Variants in HOXA6 observed in about 807,000 individuals in gnomAD.
HOXA6 encodes homeobox A6, also known as homeobox protein Hox-A6.
Under a neutral mutation model 23.2 loss-of-function variants are expected in HOXA6, and 19 were observed. The observed-to-expected ratio is 0.82, with a 90% CI of 0.57 to 1.20. HOXA6 has a LOEUF of 1.20. HOXA6 is among the 50% of genes most tolerant of loss of function. The pLI is 0.00. For synonymous variants in HOXA6, 140 were observed against 132.6 expected (o/e 1.06, Z -0.38); for missense variants, 346 against 313.6 (o/e 1.10, Z -0.78).
rs1186804130 is a variant in HOXA6, at chr7:27,145,669, C to T, written c.691G>A (p.Ala231Thr). 8 of 1,613,644 alleles carry T rather than the reference C, an allele frequency of 5.0e-6. No homozygotes were observed. The highest frequency in any genetic ancestry group is 1.7e-5 in the Admixed American group (1 of 60,034). Residue 231 changes from alanine (A) to threonine (T), a missense_variant, in exon 2 of 2, where the codon GCG becomes ACG. Coordinates refer to ENST00000222728, the MANE Select transcript of HOXA6 (RefSeq NM_024014.4). ...QPSGEDSEAK[A>T]GE ...CCCTGCCCAGGCATCTACTCGCCCGCCTTTGCCTCTGAGTCCTCCCCGCTG... is the reference window on the plus strand; with the variant it reads ...CCCTGCCCAGGCATCTACTCGCCCGTCTTTGCCTCTGAGTCCTCCCCGCTG...
intron 1 of HOXA6, 149 bp from the exon 2 acceptor site, chr7:27,146,066 T>C: frequency 1.1e-6 from 1 of 897,192 alleles, no homozygotes; most frequent in Non-Finnish European, 1.7e-6. Context: ...CAAAGCATAC[T>C]GAATGGGAGA....
Position 27,145,899 on chromosome 7 carries a change from T to C in HOXA6, c.461A>G (p.His154Arg). 1 of 1,613,268 alleles carries C rather than the reference T, an allele frequency of 6.2e-7. No homozygotes were observed. The highest frequency in any genetic ancestry group is 1.3e-5 in the African/African-American group (1 of 74,978). ...GTAGGTCTGGCGGCCTCGGCGCCCA[T>C]GGCTCCCATACACAGCACCTACGAG... ...NSCAGAVYGS[H>R]GRRGRQTYTR... Residue 154 changes from histidine (H) to arginine (R), a missense_variant, in exon 2 of 2, where the codon CAT becomes CGT. Physicochemically the swap from His to Arg is conservative, Grantham distance 29. Transcript: ENST00000222728.
At position 27,147,769 on chromosome 7, in the gene HOXA6, A is replaced by G; in HGVS notation, c.-20T>C. Reference sequence around the variant, plus strand: ...ACTCATTTGCGCGCCCCTCTGCAGGACTGTGATTTGTTGTGTATTAGTACA... The same window carrying G: ...ACTCATTTGCGCGCCCCTCTGCAGGGCTGTGATTTGTTGTGTATTAGTACA... On this transcript the variant is annotated 5_prime_UTR_variant, in exon 1 of 2. Coordinates refer to ENST00000222728, the MANE Select transcript of HOXA6 (RefSeq NM_024014.4). 1 of 1,592,662 alleles carries G rather than the reference A, an allele frequency of 6.3e-7. No homozygotes were observed. The highest frequency in any genetic ancestry group is 1.1e-5 in the South Asian group (1 of 90,060).
chr7:27,145,987 C>T, intron 1 of HOXA6, 70 bp from the exon 2 acceptor site: 1 of 1,534,326 alleles, frequency 6.5e-7, no homozygotes. Context: ...CCCAGTGCCT[C>T]CCACAAGAGG....
chr7:27,147,429 G>A lies in HOXA6; in HGVS notation c.321C>T (p.Pro107=). Reference sequence around the variant, plus strand: ...TGCTGTCGGGTTTGTACTGCTGCTCGGGAGAAAAGTGCAGGTAGTCCCCGG... The same window carrying A: ...TGCTGTCGGGTTTGTACTGCTGCTCAGGAGAAAAGTGCAGGTAGTCCCCGG... ...RGPGDYLHFS[P]EQQYKPDSSS... is the part of the protein sequence containing the mutation. The change falls in exon 1 of 2, where the codon CCC becomes CCT. Residue 107 remains proline, a synonymous_variant. Transcript: ENST00000222728. 6.2e-7 allele frequency: 1 copy of A among 1,614,194 alleles called. No homozygotes were observed. The highest frequency in any genetic ancestry group is 8.5e-7 in the Non-Finnish European group (1 of 1,180,014).
rs750134271 is a variant in HOXA6, at chr7:27,145,832, G to C, written c.528C>G (p.Phe176Leu). Residue 176 changes from phenylalanine (F) to leucine (L), a missense_variant, in exon 2 of 2, where the codon TTC (phenylalanine) becomes TTG (leucine). Phe to Leu is a conservative substitution (Grantham distance 22). Transcript: ENST00000222728. ...QTLELEKEFH[F>L]NRYLTRRRRI... ...GGCGGCGCCGTGTCAGGTAGCGGTT[G>C]AAGTGGAACTCCTTCTCCAGCTCCA... The C allele has an allele frequency of 6.2e-7, 1 of 1,614,274 alleles. No individual in the cohort carries two copies.
chr7:27,147,165 C>G (rs1562732153), intron 1 of HOXA6, 143 bp downstream of exon 1: 24 of 864,370 alleles, frequency 2.8e-5, no homozygotes, highest in African/African-American at 1.7e-5. Context: ...ATTTTTTCTT[C>G]TCTTTTAAGA....
intron 1 of HOXA6, among the ~76,000 whole-genome samples, chr7:27,146,258 T>TGG (rs1013737783): frequency 6.6e-6 from 1 of 151,506 alleles, no homozygotes; most frequent in Admixed American, 6.6e-5. Flanking sequence ...TGTTTGTGTG[T>TGG]GTGTGTGTGT....
chr7:27,146,536 G>C (rs1013707856), intron 1 of HOXA6, among the ~76,000 whole-genome samples: 2 of 152,172 alleles, frequency 1.3e-5, no homozygotes, highest in Non-Finnish European at 2.9e-5. Context: ...TCTGTCCTAG[G>C]GAATTCCTAG....
chr7:27,145,873 T>G lies in HOXA6; in HGVS notation c.487A>C (p.Thr163Pro). Residue 163 changes from threonine (T) to proline (P), a missense_variant, in exon 2 of 2, where the codon ACG (threonine) becomes CCG (proline). Transcript: ENST00000222728. ...SHGRRGRQTYTRYQTLELEKE... is the reference protein window; with the variant it reads ...SHGRRGRQTYPRYQTLELEKE... ...TCCAGCTCCAGTGTCTGGTAGCGCGTGTAGGTCTGGCGGCCTCGGCGCCCA... is the reference window on the plus strand; with the variant it reads ...TCCAGCTCCAGTGTCTGGTAGCGCGGGTAGGTCTGGCGGCCTCGGCGCCCA... 6.2e-7 allele frequency: 1 copy of G among 1,614,166 alleles called. No individual in the cohort carries two copies. Among genetic ancestry groups the G allele is most frequent in the Non-Finnish European group, 8.5e-7 (1 of 1,180,022 alleles).
chr7:27,147,528 G>T lies in HOXA6; in HGVS notation c.222C>A (p.Tyr74Ter). Residue 74 changes from tyrosine to a stop codon, truncating the protein, a stop_gained, in exon 1 of 2, where the codon TAC becomes TAA. Transcript: ENST00000222728. LOFTEE classifies it high-confidence loss of function. Reference protein sequence around the residue: ...VLACNRASYEYGASCFYSDKD... With the variant: ...VLACNRASYE ...TATCAGAATAGAAACACGAGGCCCC[G>T]TACTCGTAGGACGCCCGGTTGCAGG... 2 of 1,614,208 alleles carry T rather than the reference G, an allele frequency of 1.2e-6. No individual in the cohort carries two copies. Among genetic ancestry groups the T allele is most frequent in the Non-Finnish European group, 1.7e-6 (2 of 1,180,046 alleles).
chr7:27,145,622 G>T lies in HOXA6; in HGVS notation c.*36C>A, dbSNP rs1162571130. 6.3e-7 allele frequency: 1 copy of T among 1,594,232 alleles called. No homozygotes were observed. The highest frequency in any genetic ancestry group is 1.7e-5 in the Admixed American group (1 of 58,998). ...CGAGGGCAAGGGGGCAAAGCCGAAG[G>T]AGGTTGCAGCGCTGGCCTGGTCCCT... On this transcript the variant is annotated 3_prime_UTR_variant, in exon 2 of 2. Coordinates refer to ENST00000222728, the MANE Select transcript of HOXA6 (RefSeq NM_024014.4).
intron 1 of HOXA6, among the ~76,000 whole-genome samples, chr7:27,146,598 G>T (rs1462467588): frequency 3.9e-5 from 6 of 152,176 alleles, no homozygotes; most frequent in African/African-American, 1.2e-4. Context: ...CTAAGAGATG[G>T]AGCTATAGGT....
chr7:27,147,664 T>C lies in HOXA6; in HGVS notation c.86A>G (p.Gln29Arg). The C allele has an allele frequency of 6.2e-7, 1 of 1,614,116 alleles. No homozygotes were observed. The highest frequency in any genetic ancestry group is 1.1e-5 in the South Asian group (1 of 91,086). The change falls in exon 1 of 2, where the codon CAG (glutamine) becomes CGG (arginine). Residue 29 changes from glutamine to arginine, a missense_variant. Coordinates refer to ENST00000222728, the MANE Select transcript of HOXA6 (RefSeq NM_024014.4). ...DSFLGQLPLY[Q>R]AGYDALRPFP... ...GGGCCTCAGCGCGTCATAGCCAGCC[T>C]GGTAGAGGGGCAGCTGGCCCAAGAA...
chr7:27,146,583 A>G (rs1224278075), intron 1 of HOXA6, among the ~76,000 whole-genome samples: 3 of 152,154 alleles, frequency 2.0e-5, no homozygotes, highest in South Asian at 4.1e-4. Context: ...CTTGGAAACC[A>G]GAGGCTAAGA....
rs1450185158 is a variant in HOXA6, at chr7:27,145,562, A to T, written c.*96T>A. 1 of 1,480,494 alleles carries T rather than the reference A, an allele frequency of 6.8e-7. No homozygotes were observed. The highest frequency in any genetic ancestry group is 1.4e-5 in the African/African-American group (1 of 71,542). 91.7% of individuals were successfully genotyped at this position (1,480,494 alleles called of 1,614,324 possible). ...CCCCTGAAGCTGCGGAAGCCCCCAG[A>T]TGGGAGCAGGCGGGGAGAAAAGTTG... On this transcript the variant is annotated 3_prime_UTR_variant, in exon 2 of 2. Coordinates refer to ENST00000222728, the MANE Select transcript of HOXA6 (RefSeq NM_024014.4).
intron 1 of HOXA6, 107 bp from the exon 2 acceptor site, chr7:27,146,024 C>G (rs571843800): frequency 1.6e-6 from 2 of 1,268,182 alleles, no homozygotes; most frequent in Non-Finnish European, 2.2e-6. Flanking sequence ...CACCCCGCCT[C>G]CACTCCAGCC....
At chr7:27,147,062 C>T (rs1259052048) in intron 1 of HOXA6, 1 of 564,442 alleles carries the variant, frequency 1.8e-6, no homozygotes, top group Non-Finnish European at 3.1e-6. Context: ...ATATACGTGC[C>T]AGTGCCCCCA....
rs777258790 is a variant in HOXA6, at chr7:27,145,610, G to A, written c.*48C>T. ...TTGGGGAACAGGCGAGGGCAAGGGG[G>A]CAAAGCCGAAGGAGGTTGCAGCGCT... On this transcript the variant is annotated 3_prime_UTR_variant, in exon 2 of 2. Coordinates refer to ENST00000222728, the MANE Select transcript of HOXA6 (RefSeq NM_024014.4). The A allele has an allele frequency of 6.3e-6, 10 of 1,579,492 alleles. No homozygotes were observed. In the African/African-American group the frequency reaches 8.1e-5, roughly 13 times the overall value.
Sources: gnomAD v4.1 joint callset for allele counts (sites outside exome capture counted in the v4.1 genomes callset) on GRCh38, gnomAD v4.1.1 for gene constraint, MANE v1.5 for transcripts, NCBI Gene and HGNC (gene_info 2026-07-23, HGNC 2026-07-21) for gene names.